DLG2: variants seen among roughly 807,000 people sequenced by gnomAD.
The protein encoded by DLG2 is discs large MAGUK scaffold protein 2.
DLG2 carries 45 observed loss-of-function variants against 132.5 expected under a neutral mutation model. The observed-to-expected ratio is 0.34, with a 90% confidence interval of 0.27 to 0.44. The LOEUF (loss-of-function observed/expected upper bound fraction) is 0.44, where lower values mean the gene tolerates loss of function less well. Among genes scored for constraint, DLG2 ranks in the 20% least tolerant of loss-of-function variants. The probability of loss-of-function intolerance (pLI) is 1.00; values close to 1 mark genes in which losing one functional copy is unlikely to be tolerated. For synonymous variants in DLG2, 424 were observed against 419.6 expected (o/e 1.01, Z -0.13); for missense variants, 1,045 against 1,196.9 (o/e 0.87, Z 1.87).
At chr11:84,982,136 A>G (rs892742087) in intron 6 of DLG2, among the ~76,000 whole-genome samples, 2 of 152,056 alleles carry the variant, frequency 1.3e-5, no homozygotes, top group Non-Finnish European at 2.9e-5. Flanking sequence ...CCACCTATTT[A>G]GTCCACCAAG....
At chr11:85,587,692 C>T (rs569013225) in intron 3 of DLG2, among the ~76,000 whole-genome samples, 36 of 152,300 alleles carry the variant, frequency 2.4e-4, no homozygotes, top group African/African-American at 8.4e-4. Flanking sequence ...CATTTACATT[C>T]AACATAAGTA....
intron 19 of DLG2, among the ~76,000 whole-genome samples, chr11:83,559,227 A>C (rs1234693568): frequency 2.6e-5 from 4 of 152,164 alleles, no homozygotes; most frequent in Non-Finnish European, 5.9e-5. Context: ...TGTATTGTAC[A>C]GAATCTCTGG....
At chr11:84,990,122 A>G (rs896472362) in intron 6 of DLG2, among the ~76,000 whole-genome samples, 1 of 152,254 alleles carries the variant, frequency 6.6e-6, no homozygotes. Flanking sequence ...TGTATCCACG[A>G]TATGTGAAGA....
At chr11:85,609,740 G>A (rs373464840) in intron 2 of DLG2, among the ~76,000 whole-genome samples, 14 of 152,244 alleles carry the variant, frequency 9.2e-5, no homozygotes, top group East Asian at 7.7e-4. Flanking sequence ...CCCCGGATAC[G>A]TTTAACCATT....
At chr11:85,247,753 G>T (rs2076208094) in intron 4 of DLG2, among the ~76,000 whole-genome samples, 1 of 151,994 alleles carries the variant, frequency 6.6e-6, no homozygotes, top group Non-Finnish European at 1.5e-5. Flanking sequence ...GAGACTGAAG[G>T]CTTAGCTTGC....
intron 7 of DLG2, among the ~76,000 whole-genome samples, chr11:84,502,334 CTTTCTTTCTTTCTTTCTTTCTTTCTTTCT>C (rs2099218249): frequency 2.3e-4 from 6 of 25,652 alleles, no homozygotes; most frequent in South Asian, 1.3e-3. Flanking sequence ...TTCTTTCTTT[CTTTCTTTCTTTCTTTCTTTCTTTCTTTCT>C]TTCTTTCTTT....
intron 18 of DLG2, among the ~76,000 whole-genome samples, chr11:83,760,631 CA>C (rs2093862356): frequency 1.3e-5 from 2 of 152,280 alleles, no homozygotes; most frequent in South Asian, 4.1e-4. Flanking sequence ...GCTGGGATTA[CA>C]GGTGTGAGCC....
chr11:83,911,742 A>G (rs1471366381), intron 15 of DLG2, among the ~76,000 whole-genome samples: 1 of 152,164 alleles, frequency 6.6e-6, no homozygotes, highest in Admixed American at 6.6e-5. Context: ...TAATAAGGCT[A>G]GCGTTGTATA....
intron 8 of DLG2, among the ~76,000 whole-genome samples, chr11:84,250,161 T>C (rs1483981808): frequency 6.6e-6 from 1 of 152,180 alleles, no homozygotes; most frequent in East Asian, 1.9e-4. Flanking sequence ...TATTTAGAAA[T>C]TGCAAACATG....
chr11:85,390,657 C>T (rs2086720633), intron 3 of DLG2, among the ~76,000 whole-genome samples: 1 of 151,946 alleles, frequency 6.6e-6, no homozygotes, highest in African/African-American at 2.4e-5. Context: ...CATGCAAATA[C>T]ATAAAAATTA....
At chr11:85,186,282 A>G (rs1348128705) in intron 4 of DLG2, among the ~76,000 whole-genome samples, 4 of 152,062 alleles carry the variant, frequency 2.6e-5, no homozygotes, top group South Asian at 4.1e-4. Context: ...TATGCAAACT[A>G]TTACCATTTC....
At chr11:84,128,650 A>G (rs2094285502) in intron 9 of DLG2, among the ~76,000 whole-genome samples, 1 of 152,084 alleles carries the variant, frequency 6.6e-6, no homozygotes, top group African/African-American at 2.4e-5. Flanking sequence ...TATATTCAAG[A>G]TTCCCCCAAC....
intron 18 of DLG2, among the ~76,000 whole-genome samples, chr11:83,637,920 T>C (rs2065278306): frequency 6.6e-6 from 1 of 152,206 alleles, no homozygotes. Context: ...AACAGGACAT[T>C]GACAGGAAAA....
chr11:83,932,704 A>AT (rs35400863), intron 14 of DLG2, among the ~76,000 whole-genome samples: 32 of 148,110 alleles, frequency 2.2e-4, no homozygotes, highest in African/African-American at 7.2e-4. Context: ...TGAATAGATA[A>AT]TTTTTTTTTT....
chr11:85,271,184 G>A (rs1332198313), intron 4 of DLG2, among the ~76,000 whole-genome samples: 1 of 152,172 alleles, frequency 6.6e-6, no homozygotes, highest in Non-Finnish European at 1.5e-5. Context: ...GACTAACAGG[G>A]GCCAAGGTAA....
At chr11:84,873,273 A>T (rs1196718438) in intron 6 of DLG2, among the ~76,000 whole-genome samples, 1 of 152,176 alleles carries the variant, frequency 6.6e-6, no homozygotes, top group East Asian at 1.9e-4. Context: ...TGCACTGTCA[A>T]GGTGGAGGAA....
chr11:85,359,768 G>A (rs968432576), intron 3 of DLG2, among the ~76,000 whole-genome samples: 1 of 152,132 alleles, frequency 6.6e-6, no homozygotes, highest in African/African-American at 2.4e-5. Context: ...GAAACTCAAT[G>A]ACTGTTAAAG....
Position 84,225,301 on chromosome 11 carries a change from A to G in DLG2, c.573+25937T>C, listed in dbSNP as rs542183483. On this transcript the variant is annotated intron_variant, in intron 8 of 27. Transcript: ENST00000376104. ...TTCCCTTATTTATCTAAGTAGACAA[A>G]CATGCATATCACACACACATACTGT... Among the ~76,000 whole-genome samples, 66 of 152,314 alleles carry G rather than the reference A, an allele frequency of 4.3e-4. 1 individual carries two copies. The highest frequency in any genetic ancestry group is 1.4e-3 in the African/African-American group (58 of 41,572).
chr11:84,952,148 T>C (rs965622062), intron 6 of DLG2, among the ~76,000 whole-genome samples: 2 of 152,234 alleles, frequency 1.3e-5, no homozygotes, highest in Non-Finnish European at 1.5e-5. Flanking sequence ...GATTGTACTT[T>C]GTATCAGCCA....
Sources: allele counts gnomAD v4.1 joint callset (sites outside exome capture counted in the v4.1 genomes callset), GRCh38; gene constraint gnomAD v4.1.1; transcripts MANE v1.5; gene names NCBI Gene and HGNC (gene_info 2026-07-23, HGNC 2026-07-21).